The following USP24 variants were observed in gnomAD, a reference collection of about 807,000 sequenced individuals.
USP24 encodes ubiquitin specific peptidase 24.
In USP24, 97 loss-of-function variants were observed where a neutral mutation model predicts 361.6. The observed-to-expected ratio is 0.27, with a 90% CI of 0.23 to 0.32. USP24 has a LOEUF of 0.32. Among genes scored for constraint, USP24 ranks in the 10% least tolerant of loss-of-function variants. USP24 has a pLI of 1.00. For synonymous variants in USP24, 1,098 were observed against 1,124.6 expected (o/e 0.98, Z 0.47); for missense variants, 2,353 against 3,165.6 (o/e 0.74, Z 6.16).
Position 55,092,887 on chromosome 1 carries a change from C to A in USP24, c.6384G>T (p.Met2128Ile). Residue 2128 changes from methionine to isoleucine, a missense_variant, in exon 53 of 68, where the codon ATG (methionine) becomes ATT (isoleucine). Coordinates refer to ENST00000294383, the MANE Select transcript of USP24 (RefSeq NM_015306.3). ...CACTACTGTATACATCTCTATTCTT[C>A]ATAAACTTGAGGTTCTCATCTCTCA... ...QMVRDENLKF[M>I]KNRDVYSSDY... The A allele has an allele frequency of 6.3e-7, 1 of 1,587,590 alleles. No homozygotes were observed. The highest frequency in any genetic ancestry group is 1.2e-5 in the South Asian group (1 of 85,274).
At chr1:55,078,416 G>T in intron 61 of USP24, 122 bp downstream of exon 61, 1 of 567,078 alleles carries the variant, frequency 1.8e-6, no homozygotes, top group Non-Finnish European at 2.9e-6. Flanking sequence ...GCCTATACTA[G>T]AATGATTAGG....
At chr1:55,090,896 T>C (rs1335664353) in intron 54 of USP24, among the ~76,000 whole-genome samples, 1 of 152,114 alleles carries the variant, frequency 6.6e-6, no homozygotes, top group Non-Finnish European at 1.5e-5. Flanking sequence ...AGTAGTTTGC[T>C]CAACACGGCG....
At position 55,146,017 on chromosome 1, in the gene USP24, T is replaced by A. The variant is rs770463571; in HGVS notation, c.2343A>T (p.Ser781=). 3 of 1,611,938 alleles carry A rather than the reference T, an allele frequency of 1.9e-6. No individual in the cohort carries two copies. The highest frequency in any genetic ancestry group is 2.5e-6 in the Non-Finnish European group (3 of 1,178,812). ...TCCTACCATTCATAGTGATTTCATA[T>A]GACTCCAATTTAAGAATTTTCTCCT... The part of the protein sequence containing the change: ...LFKEKILKLE[S]YEITMNGFNL... The change falls in exon 20 of 68, where the codon TCA becomes TCT. Residue 781 remains serine, a synonymous_variant. Coordinates refer to ENST00000294383, the MANE Select transcript of USP24 (RefSeq NM_015306.3).
intron 28 of USP24, 102 bp from the exon 29 acceptor site, chr1:55,134,515 C>T: frequency 9.7e-7 from 1 of 1,029,088 alleles, no homozygotes; most frequent in South Asian, 1.5e-5. Flanking sequence ...GAAAGGCTGG[C>T]TGGTCACTGT....
chr1:55,122,298 C>T (rs1646304590), intron 36 of USP24, among the ~76,000 whole-genome samples: 1 of 152,060 alleles, frequency 6.6e-6, no homozygotes, highest in Admixed American at 6.6e-5. Flanking sequence ...ACAGCCAGTG[C>T]AAGGGAAGGA....
Position 55,137,537 on chromosome 1 carries a change from C to T in USP24, c.3179G>A (p.Ser1060Asn), listed in dbSNP as rs769082788. ...SSSSSSSGVFSSSYAMEQEKS... is the reference protein window; with the variant it reads ...SSSSSSSGVFNSSYAMEQEKS... ...TACCTGCTCCATGGCATATGAAGAACTAAAAACCCCACTGCTGCTGCTGCT... is the reference window on the plus strand; with the variant it reads ...TACCTGCTCCATGGCATATGAAGAATTAAAAACCCCACTGCTGCTGCTGCT... The change falls in exon 28 of 68, where the codon AGT becomes AAT. Residue 1060 changes from serine (S) to asparagine (N), a missense_variant. This residue lies in a region of USP24 where 949 missense variants were observed against 1,280.5 expected (regional missense o/e 0.74). Transcript: ENST00000294383. The T allele has an allele frequency of 6.2e-7, 1 of 1,613,298 alleles. No homozygotes were observed. Among genetic ancestry groups the T allele is most frequent in the South Asian group, 1.1e-5 (1 of 91,018 alleles).
chr1:55,126,691 A>C (rs1313129843), intron 32 of USP24, among the ~76,000 whole-genome samples: 1 of 152,190 alleles, frequency 6.6e-6, no homozygotes, highest in Non-Finnish European at 1.5e-5. Context: ...ACACAGAATA[A>C]AGCTACACAT....
At chr1:55,108,151 A>C (rs1645844044) in intron 39 of USP24, among the ~76,000 whole-genome samples, 1 of 152,196 alleles carries the variant, frequency 6.6e-6, no homozygotes, top group Admixed American at 6.5e-5. Flanking sequence ...TACCTGAACC[A>C]AGGGAGGGCT....
chr1:55,125,885 A>G (rs1284635304), intron 32 of USP24, 127 bp from the exon 33 acceptor site: 5 of 747,638 alleles, frequency 6.7e-6, no homozygotes, highest in East Asian at 5.4e-5. Context: ...TCATAAAAAG[A>G]GCCTACATAT....
intron 58 of USP24, among the ~76,000 whole-genome samples, 196 bp from the exon 59 acceptor site, chr1:55,081,620 A>C (rs1645150126): frequency 1.3e-5 from 2 of 152,226 alleles, no homozygotes; most frequent in Admixed American, 1.3e-4. Flanking sequence ...TTCTAAAACC[A>C]GTCCCTTTAT....
At chr1:55,121,372 G>A in intron 37 of USP24, 64 bp downstream of exon 37, 1 of 1,456,768 alleles carries the variant, frequency 6.9e-7, no homozygotes, top group Non-Finnish European at 9.6e-7. Context: ...GTCACAGGTA[G>A]TTGAGACAGC....
intron 16 of USP24, among the ~76,000 whole-genome samples, chr1:55,150,906 A>G (rs951959806): frequency 6.6e-6 from 1 of 152,208 alleles, no homozygotes; most frequent in Non-Finnish European, 1.5e-5. Context: ...ACCTGATGGG[A>G]TGTCTAAATT....
Position 55,165,371 on chromosome 1 carries a change from G to A in USP24, c.927+514C>T, listed in dbSNP as rs570315599. On this transcript the variant is annotated intron_variant, in intron 7 of 67. Coordinates refer to ENST00000294383, the MANE Select transcript of USP24 (RefSeq NM_015306.3). ...AGATTAGTTATTCCCCTAACTATGA[G>A]GTTATGTTTTGAGAAAATGAAGTTG... Among the ~76,000 whole-genome samples the A allele has an allele frequency of 5.3e-5, 8 of 152,158 alleles. 1 individual carries two copies. The South Asian group carries it at 1.7e-3, about 32-fold the overall frequency.
chr1:55,136,158 C>T (rs1248288913), intron 28 of USP24, among the ~76,000 whole-genome samples: 3 of 152,086 alleles, frequency 2.0e-5, no homozygotes, highest in Non-Finnish European at 4.4e-5. Context: ...CTAGACAAGA[C>T]AGTCAGAGAA....
At chr1:55,141,424 A>T (rs1213189258) in intron 24 of USP24, among the ~76,000 whole-genome samples, 192 bp downstream of exon 24, 1 of 152,234 alleles carries the variant, frequency 6.6e-6, no homozygotes, top group East Asian at 1.9e-4. Flanking sequence ...TGACCTACAC[A>T]CAGAACTTCC....
chr1:55,180,833 G>A (rs1643943920), intron 1 of USP24, among the ~76,000 whole-genome samples: 1 of 152,060 alleles, frequency 6.6e-6, no homozygotes, highest in Non-Finnish European at 1.5e-5. Context: ...GCTGCCTAAG[G>A]GCATGGACCT....
intron 39 of USP24, among the ~76,000 whole-genome samples, chr1:55,109,491 G>A (rs1284125990): frequency 6.6e-6 from 1 of 152,050 alleles, no homozygotes; most frequent in Non-Finnish European, 1.5e-5. Flanking sequence ...CTAACCATAC[G>A]CTGCTTCCTT....
At position 55,140,095 on chromosome 1, in the gene USP24, C is replaced by T. The variant is rs375951611; in HGVS notation, c.2751-1085G>A. ...AAACTACAATGTTCTGGTTCAAATT[C>T]GACTTTGAAGCTATATATTCTTATT... On this transcript the variant is annotated intron_variant, in intron 24 of 67. Coordinates refer to ENST00000294383, the MANE Select transcript of USP24 (RefSeq NM_015306.3). Among the ~76,000 whole-genome samples the T allele has an allele frequency of 3.2e-4, 48 of 151,830 alleles. 2 individuals are homozygous for T. Among genetic ancestry groups the T allele is most frequent in the East Asian group, 1.7e-3 (9 of 5,168 alleles).
chr1:55,163,373 AATAG>A (rs969600075), intron 7 of USP24, among the ~76,000 whole-genome samples: 1 of 151,984 alleles, frequency 6.6e-6, no homozygotes, highest in Non-Finnish European at 1.5e-5. Context: ...AAATATGCAA[AATAG>A]ATACAGCATT....
Sources: allele counts gnomAD v4.1 joint callset (sites outside exome capture counted in the v4.1 genomes callset), GRCh38; gene constraint gnomAD v4.1.1; regional missense constraint gnomAD v4.1.1; transcripts MANE v1.5; gene names NCBI Gene and HGNC (gene_info 2026-07-23, HGNC 2026-07-21).